Variants in PCLO observed in about 807,000 individuals in gnomAD.
PCLO encodes piccolo presynaptic cytomatrix protein.
PCLO carries 82 observed loss-of-function variants against 427.5 expected under a neutral mutation model. That is an observed-to-expected ratio of 0.19 (90% CI 0.16 to 0.23). PCLO has a LOEUF of 0.23. Ranked by LOEUF, PCLO falls within the 10% of genes least tolerant of loss-of-function variation. The pLI, the probability that PCLO is intolerant of heterozygous loss-of-function variation, is 1.00. For synonymous variants in PCLO, 2,357 were observed against 2,155.4 expected (o/e 1.09, Z -2.59); for missense variants, 6,239 against 6,115.9 (o/e 1.02, Z -0.67).
chr7:83,067,943 TG>T (rs1789709323), intron 3 of PCLO, among the ~76,000 whole-genome samples: 1 of 11,488 alleles, frequency 8.7e-5, no homozygotes, highest in African/African-American at 1.7e-3. Flanking sequence ...ACCAAGGTTT[TG>T]TTTACCTTCT....
intron 3 of PCLO, among the ~76,000 whole-genome samples, chr7:83,056,179 T>C (rs1277485749): frequency 6.6e-6 from 1 of 152,110 alleles, no homozygotes; most frequent in Non-Finnish European, 1.5e-5. Context: ...CAGAATAACT[T>C]TGGAGTAAAT....
At chr7:83,080,918 ATAAC>A (rs1235501686) in intron 3 of PCLO, among the ~76,000 whole-genome samples, 5 of 151,730 alleles carry the variant, frequency 3.3e-5, no homozygotes, top group African/African-American at 7.2e-5. Flanking sequence ...ATTAGCAACA[ATAAC>A]TAATAATAAA....
chr7:83,006,916 G>A (rs1787958898), intron 3 of PCLO, among the ~76,000 whole-genome samples: 1 of 151,250 alleles, frequency 6.6e-6, no homozygotes, highest in African/African-American at 2.4e-5. Context: ...CCTTATACTG[G>A]TATGCTTTTT....
At chr7:82,879,724 C>A in intron 9 of PCLO, 2 of 458,870 alleles carry the variant, frequency 4.4e-6, no homozygotes, top group Non-Finnish European at 4.0e-6. Context: ...CAGTAATATA[C>A]CCAGGACTTG....
Position 82,921,653 on chromosome 7 carries a change from C to T in PCLO, c.11113-4780G>A, listed in dbSNP as rs143379263. 5.2e-3 allele frequency among the ~76,000 whole-genome samples: 786 copies of T among 151,924 alleles called. 7 individuals are homozygous for T. Among genetic ancestry groups the T allele is most frequent in the African/African-American group, 0.018 (749 of 41,508 alleles). On this transcript the variant is annotated intron_variant, in intron 6 of 24. Transcript: ENST00000333891. ...AAACTATAAAAACCCTAGAAGAAAA[C>T]GTAGGAAATGCAATTCTGAACATAA...
chr7:83,033,955 TATC>T (rs1788731576), intron 3 of PCLO, among the ~76,000 whole-genome samples: 2 of 152,190 alleles, frequency 1.3e-5, no homozygotes, highest in African/African-American at 4.8e-5. Flanking sequence ...TGGAAAACAG[TATC>T]ATATTTATCT....
At chr7:83,131,748 AAG>A (rs1791578848) in intron 3 of PCLO, among the ~76,000 whole-genome samples, 1 of 152,020 alleles carries the variant, frequency 6.6e-6, no homozygotes, top group South Asian at 2.1e-4. Context: ...ATTAGGTCAC[AAG>A]AAACATATTA....
At position 83,008,308 on chromosome 7, in the gene PCLO, C is replaced by T. The variant is rs552034017; in HGVS notation, c.3301-41821G>A. Among the ~76,000 whole-genome samples, 3 of 151,710 alleles carry T rather than the reference C, an allele frequency of 2.0e-5. No homozygotes were observed. In the South Asian group the frequency reaches 6.2e-4, roughly 31 times the overall value. On this transcript the variant is annotated intron_variant, in intron 3 of 24. Coordinates refer to ENST00000333891, the MANE Select transcript of PCLO (RefSeq NM_033026.6). ...TAGTCATTAAAATATAGAATTACCC[C>T]ATTTGTTAAAAACCGGTTAATATAA...
chr7:82,965,344 TG>T (rs1446592751), intron 4 of PCLO, among the ~76,000 whole-genome samples: 1 of 150,518 alleles, frequency 6.6e-6, no homozygotes, highest in Non-Finnish European at 1.5e-5. Flanking sequence ...AATCACTTTA[TG>T]GCTGACCACA....
chr7:82,762,028 TC>T (rs1423678004), intron 22 of PCLO, among the ~76,000 whole-genome samples: 1 of 152,104 alleles, frequency 6.6e-6, no homozygotes, highest in Non-Finnish European at 1.5e-5. Flanking sequence ...ATATTTTATT[TC>T]CCACCCTACT....
At chr7:83,021,568 T>C (rs928554556) in intron 3 of PCLO, among the ~76,000 whole-genome samples, 2 of 152,188 alleles carry the variant, frequency 1.3e-5, no homozygotes, top group Non-Finnish European at 1.5e-5. Context: ...TCAATAGACA[T>C]TGTCTCTCTC....
intron 22 of PCLO, among the ~76,000 whole-genome samples, chr7:82,775,146 C>T (rs921574579): frequency 2.0e-5 from 3 of 152,094 alleles, no homozygotes; most frequent in African/African-American, 7.2e-5. Context: ...TACGGAAGGA[C>T]TTGTTGTTTG....
At chr7:83,092,946 C>CAAAAAAAAAA (rs10684707) in intron 3 of PCLO, among the ~76,000 whole-genome samples, 1 of 89,622 alleles carries the variant, frequency 1.1e-5, no homozygotes. Flanking sequence ...GACTCTGTCT[C>CAAAAAAAAAA]AAAAAAAAAA....
intron 3 of PCLO, among the ~76,000 whole-genome samples, chr7:82,981,043 A>G (rs1796136279): frequency 6.6e-6 from 1 of 152,172 alleles, no homozygotes; most frequent in East Asian, 1.9e-4. Context: ...GACCTATGTA[A>G]TAAAACTGCA....
rs1462240126 is a variant in PCLO at position 83,003,057 on chromosome 7, T to C, written c.3301-36570A>G. On this transcript the variant is annotated intron_variant, in intron 3 of 24. Transcript: ENST00000333891. ...ATCTGAAAGATCATATCTTCACATT[T>C]TAAGTGTTAAACTACAATTGGATTT... Among the ~76,000 whole-genome samples, 5 of 151,596 alleles carry C rather than the reference T, an allele frequency of 3.3e-5. No individual in the cohort carries two copies. In the Admixed American group the frequency reaches 3.3e-4, roughly 10 times the overall value.
intron 3 of PCLO, among the ~76,000 whole-genome samples, chr7:83,029,665 T>C (rs1006276412): frequency 1.6e-5 from 2 of 126,592 alleles, no homozygotes; most frequent in African/African-American, 3.1e-5. Context: ...TGCACACGTA[T>C]GTTTACTGCG....
rs1562794450 is a variant in PCLO, at chr7:82,805,854, A to G, written c.14792-25T>C. 5 of 1,580,790 alleles carry G rather than the reference A, an allele frequency of 3.2e-6. No individual in the cohort carries two copies. In the Admixed American group the frequency reaches 9.1e-5, roughly 29 times the overall value. ...GCTGCATGGTGTGGGAAGATTCAAC[A>G]CCACAGTCAATAAATGAAGCTGACA... is the stretch of plus-strand genomic sequence containing the variant. On this transcript the variant is annotated intron_variant, in intron 20 of 24. Coordinates refer to ENST00000333891, the MANE Select transcript of PCLO (RefSeq NM_033026.6).
chr7:82,993,405 G>A lies in PCLO; in HGVS notation c.3301-26918C>T, dbSNP rs1207464595. 2.6e-5 allele frequency among the ~76,000 whole-genome samples: 4 copies of A among 151,902 alleles called. No homozygotes were observed. The East Asian group carries it at 7.7e-4, about 29-fold the overall frequency. On this transcript the variant is annotated intron_variant, in intron 3 of 24. Coordinates refer to ENST00000333891, the MANE Select transcript of PCLO (RefSeq NM_033026.6). ...TTGTTTCATAATCAGGAGCAGATATGGAATAGAGTAAGGCTTTGGCATTTT... is the reference window on the plus strand; with the variant it reads ...TTGTTTCATAATCAGGAGCAGATATAGAATAGAGTAAGGCTTTGGCATTTT...
chr7:82,844,966 C>T (rs1228580832), intron 13 of PCLO, among the ~76,000 whole-genome samples: 1 of 151,956 alleles, frequency 6.6e-6, no homozygotes. Context: ...AGCTAATATT[C>T]TATATACGTA....
Sources: gnomAD v4.1 joint callset for allele counts (sites outside exome capture counted in the v4.1 genomes callset) on GRCh38, gnomAD v4.1.1 for gene constraint, MANE v1.5 for transcripts, NCBI Gene and HGNC (gene_info 2026-07-23, HGNC 2026-07-21) for gene names.